The following ELF1 variants were observed in gnomAD, a reference collection of about 807,000 sequenced individuals.
ELF1 encodes E74 like ETS transcription factor 1.
ELF1 carries 24 observed loss-of-function variants against 59.9 expected under a neutral mutation model. That is an observed-to-expected ratio of 0.40 (90% CI 0.29 to 0.56). ELF1 has a LOEUF of 0.56. Among genes scored for constraint, ELF1 ranks in the 20% least tolerant of loss-of-function variants. The pLI is 0.44. For missense variants in ELF1, 627 were observed against 742.2 expected (o/e 0.84, Z 1.80); for synonymous variants, 248 against 266.2 (o/e 0.93, Z 0.67).
At position 40,982,334 on chromosome 13, in the gene ELF1, A is replaced by T. The variant is rs943880274; in HGVS notation, c.-228-52T>A. Reference sequence around the variant, plus strand: ...ATGAAAAAGCAATCACCCACTTAGGATATAATAACTGATACAGAGGGCAGT... The same window carrying T: ...ATGAAAAAGCAATCACCCACTTAGGTTATAATAACTGATACAGAGGGCAGT... On this transcript the variant is annotated intron_variant, in intron 1 of 8. Coordinates refer to ENST00000239882, the MANE Select transcript of ELF1 (RefSeq NM_172373.4). 6.1e-6 allele frequency: 7 copies of T among 1,151,512 alleles called. No individual in the cohort carries two copies. In the African/African-American group the frequency reaches 1.1e-4, roughly 18 times the overall value. 71.3% of individuals were successfully genotyped at this position (1,151,512 alleles called of 1,614,324 possible). A position where few individuals can be genotyped will look rare whatever the true frequency, so the allele number is the denominator to read the frequency against.
chr13:40,936,693 G>A lies in ELF1; in HGVS notation c.1257-2665C>T, dbSNP rs9566627. Among the ~76,000 whole-genome samples, 401 of 150,384 alleles carry A rather than the reference G, an allele frequency of 2.7e-3. 5 individuals carry two copies. In the East Asian group the frequency reaches 0.051, roughly 19 times the overall value. On this transcript the variant is annotated intron_variant, in intron 8 of 8. Coordinates refer to ENST00000239882, the MANE Select transcript of ELF1 (RefSeq NM_172373.4). The stretch of plus-strand genomic sequence containing the variant: ...GGAGAATGGCGTGAACCTGGGAGGC[G>A]GAGCTTGCAGTGAGCCGAGATCGCG...
intron 1 of ELF1, among the ~76,000 whole-genome samples, chr13:41,041,322 A>C (rs949966494): frequency 1.3e-5 from 2 of 152,044 alleles, no homozygotes; most frequent in African/African-American, 4.8e-5. Flanking sequence ...GACATTTTCA[A>C]AGTCTTTCTT....
rs1410522553 is a variant in ELF1 at position 40,949,901 on chromosome 13, T to C, written c.434A>G (p.Asp145Gly). The C allele has an allele frequency of 5.0e-6, 8 of 1,614,020 alleles. No individual in the cohort carries two copies. The East Asian group carries it at 6.7e-5, about 13-fold the overall frequency. ...APVTHVSVTL[D>G]GIPEVMETQQ... ...TGTTTCCATCACTTCAGGAATCCCA[T>C]CTAATGTGACGGACACATGGGTGAC... The change falls in exon 5 of 9, where the codon GAT becomes GGT. Residue 145 changes from aspartate (D) to glycine (G), a missense_variant. By Grantham distance (94) the Asp-to-Gly change is moderately conservative (BLOSUM62 -1). Transcript: ENST00000239882.
chr13:41,030,578 A>G (rs1395411550), intron 1 of ELF1, among the ~76,000 whole-genome samples: 2 of 151,958 alleles, frequency 1.3e-5, no homozygotes, highest in Admixed American at 6.6e-5. Context: ...ACCTGTCTCT[A>G]CAAAAAATAA....
chr13:40,978,792 C>CA (rs201877250), intron 2 of ELF1, among the ~76,000 whole-genome samples: 125 of 107,288 alleles, frequency 1.2e-3, no homozygotes, highest in African/African-American at 1.4e-3. Flanking sequence ...AAAGACTGGC[C>CA]AAAAAAAAAA....
In ELF1 at chr13:40,934,048, A is replaced by T. The variant is rs1869600959; in HGVS notation, c.1257-20T>A. On this transcript the variant is annotated intron_variant, in intron 8 of 8. Transcript: ENST00000239882. ...ATAGTCCTATTGAGATGATGAAATT[A>T]AAGTGAGACAATTAGCATATTCTAC... 10 of 1,585,484 alleles carry T rather than the reference A, an allele frequency of 6.3e-6. No individual in the cohort carries two copies. Among genetic ancestry groups the T allele is most frequent in the Non-Finnish European group, 8.6e-6 (10 of 1,163,840 alleles).
At chr13:41,059,860 G>A (rs1877434377) in intron 1 of ELF1, among the ~76,000 whole-genome samples, 1 of 152,082 alleles carries the variant, frequency 6.6e-6, no homozygotes, top group African/African-American at 2.4e-5. Flanking sequence ...ATGTTTTGCC[G>A]TTGTTTTAAT....
intron 3 of ELF1, among the ~76,000 whole-genome samples, chr13:40,955,753 G>C (rs369876030): frequency 2.9e-5 from 2 of 69,068 alleles, no homozygotes; most frequent in Admixed American, 1.3e-4. Context: ...CCGGCCAGCC[G>C]CCCCGTCCGG....
chr13:40,973,202 C>T (rs978792698), intron 2 of ELF1, among the ~76,000 whole-genome samples: 1 of 152,168 alleles, frequency 6.6e-6, no homozygotes, highest in African/African-American at 2.4e-5. Flanking sequence ...CATCATCCTG[C>T]TGATAAGTTT....
intron 5 of ELF1, among the ~76,000 whole-genome samples, chr13:40,949,379 A>G (rs941661846): frequency 1.3e-5 from 2 of 151,532 alleles, no homozygotes; most frequent in African/African-American, 4.9e-5. Flanking sequence ...TTTCTTAGAG[A>G]TAGGGTCTCA....
At chr13:40,989,216 C>T (rs1166860177) in intron 1 of ELF1, among the ~76,000 whole-genome samples, 2 of 152,128 alleles carry the variant, frequency 1.3e-5, no homozygotes, top group South Asian at 2.1e-4. Flanking sequence ...CAGATTTGAA[C>T]TTTCCCAAAA....
intron 2 of ELF1, among the ~76,000 whole-genome samples, chr13:40,973,435 G>C (rs977289137): frequency 6.6e-6 from 1 of 152,148 alleles, no homozygotes; most frequent in African/African-American, 2.4e-5. Flanking sequence ...CTCTAAATAT[G>C]TTGAAAATGA....
At chr13:40,959,603 G>GT (rs1871684661) in intron 2 of ELF1, among the ~76,000 whole-genome samples, 1 of 152,218 alleles carries the variant, frequency 6.6e-6, no homozygotes, top group Non-Finnish European at 1.5e-5. Context: ...CTCAATAAAA[G>GT]TTTTTTGGCA....
intron 1 of ELF1, among the ~76,000 whole-genome samples, chr13:40,995,266 T>C (rs1874072729): frequency 6.6e-6 from 1 of 152,124 alleles, no homozygotes; most frequent in African/African-American, 2.4e-5. Flanking sequence ...TTACCAAAAG[T>C]GAAAATATGA....
At chr13:40,991,670 A>G (rs1873859928) in intron 1 of ELF1, among the ~76,000 whole-genome samples, 1 of 152,068 alleles carries the variant, frequency 6.6e-6, no homozygotes, top group Non-Finnish European at 1.5e-5. Flanking sequence ...CTAATTGTCA[A>G]TCTCTTATAT....
intron 1 of ELF1, among the ~76,000 whole-genome samples, chr13:41,016,798 C>T (rs1009689952): frequency 6.6e-6 from 1 of 150,390 alleles, no homozygotes; most frequent in Non-Finnish European, 1.5e-5. Context: ...CCTGTAATCC[C>T]AGCTACTTGG....
At chr13:40,942,767 C>A (rs558137792) in intron 7 of ELF1, among the ~76,000 whole-genome samples, 185 bp downstream of exon 7, 1 of 152,138 alleles carries the variant, frequency 6.6e-6, no homozygotes, top group Non-Finnish European at 1.5e-5. Flanking sequence ...AGCAATCCAC[C>A]GGCCTCAGCC....
At chr13:40,979,303 C>T (rs537185197) in intron 2 of ELF1, among the ~76,000 whole-genome samples, 9 of 151,812 alleles carry the variant, frequency 5.9e-5, no homozygotes, top group Non-Finnish European at 1.3e-4. Flanking sequence ...GCTTTAGAAA[C>T]ATCAACTCAT....
At chr13:40,954,128 T>G (rs1298807757) in intron 3 of ELF1, among the ~76,000 whole-genome samples, 1 of 152,228 alleles carries the variant, frequency 6.6e-6, no homozygotes, top group Admixed American at 6.5e-5. Context: ...CTAACCTGAT[T>G]AGTCCAATTC....
Sources: allele counts gnomAD v4.1 joint callset (sites outside exome capture counted in the v4.1 genomes callset), GRCh38; gene constraint gnomAD v4.1.1; transcripts MANE v1.5; gene names NCBI Gene and HGNC (gene_info 2026-07-23, HGNC 2026-07-21).